Variants in MYO3A observed in about 807,000 individuals in gnomAD.
MYO3A encodes myosin IIIA, also known as myosin-IIIa.
In MYO3A, 180 loss-of-function variants were observed where a neutral mutation model predicts 192.7. The ratio of observed to expected loss-of-function variants is 0.93; its 90% confidence interval spans 0.83 to 1.06. The LOEUF is 1.06. Among genes scored for constraint, MYO3A ranks in the 50% least tolerant of loss-of-function variants. The pLI is 0.00. For synonymous variants in MYO3A, 628 were observed against 645.3 expected (o/e 0.97, Z 0.41); for missense variants, 1,896 against 1,905.0 (o/e 1.00, Z 0.09).
intron 10 of MYO3A, 62 bp from the exon 11 acceptor site, chr10:26,066,912 TA>T: frequency 1.7e-6 from 2 of 1,154,096 alleles, no homozygotes. Context: ...CATATGTATC[TA>T]AAACTTTTTT....
In MYO3A at chr10:26,070,172, C is replaced by G; in HGVS notation, c.1232C>G (p.Ala411Gly). Reference sequence around the variant, plus strand: ...AGTCCTCCTCACATTTTTGCAATGGCTGACTTAGGATATCAATCTATGATA... The same window carrying G: ...AGTCCTCCTCACATTTTTGCAATGGGTGACTTAGGATATCAATCTATGATA... ...TASPPHIFAM[A>G]DLGYQSMITY... is the part of the protein sequence containing the mutation. Residue 411 changes from alanine to glycine, a missense_variant, in exon 13 of 35, where the codon GCT becomes GGT. Ala to Gly is a moderately conservative substitution (Grantham distance 60, BLOSUM62 0). Transcript: ENST00000642920. 1.2e-6 allele frequency: 2 copies of G among 1,612,370 alleles called. No homozygotes were observed. Among genetic ancestry groups the G allele is most frequent in the East Asian group, 2.2e-5 (1 of 44,776 alleles).
chr10:26,035,995 G>A (rs111814801), intron 10 of MYO3A, among the ~76,000 whole-genome samples: 24,476 of 151,734 alleles, frequency 0.16, 2,282 homozygotes, highest in Non-Finnish European at 0.21. Context: ...GTGCAGTGGC[G>A]CCATCTTGGC....
intron 17 of MYO3A, among the ~76,000 whole-genome samples, chr10:26,116,904 A>G (rs571393091): frequency 9.2e-5 from 14 of 152,330 alleles, no homozygotes; most frequent in Admixed American, 7.2e-4. Context: ...CTGTGAGGGC[A>G]GAGTTGTTAC....
At position 26,174,560 on chromosome 10, in the gene MYO3A, A is replaced by G. The variant is rs1842221150; in HGVS notation, c.4293+3A>G. The G allele has an allele frequency of 1.2e-6, 2 of 1,609,964 alleles. No homozygotes were observed. Among genetic ancestry groups the G allele is most frequent in the Non-Finnish European group, 1.7e-6 (2 of 1,176,902 alleles). On this transcript the variant is annotated splice_donor_region_variant and intron_variant, in intron 30 of 34. Coordinates refer to ENST00000642920, the MANE Select transcript of MYO3A (RefSeq NM_017433.5). The stretch of plus-strand genomic sequence containing the variant: ...GTTTGGCAATTTTTTCAAAACAGGT[A>G]TGTGAATAAATAAATTTATTTACTA...
At chr10:26,114,967 T>C (rs915277968) in intron 17 of MYO3A, among the ~76,000 whole-genome samples, 2 of 152,048 alleles carry the variant, frequency 1.3e-5, no homozygotes, top group African/African-American at 4.8e-5. Flanking sequence ...AACTGAGACA[T>C]GAAATTAACA....
intron 2 of MYO3A, among the ~76,000 whole-genome samples, chr10:25,945,766 T>TA (rs1836794796): frequency 6.6e-6 from 1 of 152,156 alleles, no homozygotes; most frequent in Non-Finnish European, 1.5e-5. Flanking sequence ...GAGAAGAACT[T>TA]ACCATTATCA....
At chr10:26,189,213 C>T (rs1843006874) in intron 31 of MYO3A, among the ~76,000 whole-genome samples, 1 of 152,160 alleles carries the variant, frequency 6.6e-6, no homozygotes, top group Admixed American at 6.5e-5. Flanking sequence ...TCTTAATCTG[C>T]TCTTTTAAGG....
chr10:26,155,739 C>G (rs889466198), intron 25 of MYO3A, among the ~76,000 whole-genome samples: 1 of 152,184 alleles, frequency 6.6e-6, no homozygotes, highest in Admixed American at 6.5e-5. Context: ...TAATACCTGA[C>G]GTTTGTTGCT....
chr10:26,041,074 T>G (rs1369506318), intron 10 of MYO3A, among the ~76,000 whole-genome samples: 1 of 152,130 alleles, frequency 6.6e-6, no homozygotes, highest in African/African-American at 2.4e-5. Context: ...GGTGCTCCAG[T>G]GTCAGGTGCA....
chr10:26,081,133 T>TCCCC (rs60099269), intron 14 of MYO3A, among the ~76,000 whole-genome samples: 10 of 84,966 alleles, frequency 1.2e-4, no homozygotes, highest in South Asian at 1.1e-3. Flanking sequence ...TATATGCCCT[T>TCCCC]CCCCCCCCCC....
chr10:26,102,715 A>G (rs1837541133), intron 17 of MYO3A, among the ~76,000 whole-genome samples: 2 of 152,172 alleles, frequency 1.3e-5, no homozygotes, highest in Admixed American at 1.3e-4. Flanking sequence ...GCAGAACCGC[A>G]AATATTGCAG....
At chr10:26,061,228 C>T (rs1018494488) in intron 10 of MYO3A, among the ~76,000 whole-genome samples, 4 of 152,094 alleles carry the variant, frequency 2.6e-5, no homozygotes, top group East Asian at 1.9e-4. Flanking sequence ...CACGCCCGGC[C>T]GACACCTTGT....
chr10:25,992,148 A>G (rs1419382558), intron 4 of MYO3A, among the ~76,000 whole-genome samples: 2 of 152,072 alleles, frequency 1.3e-5, no homozygotes, highest in South Asian at 2.1e-4. Context: ...ACCCATGAGC[A>G]TGGAATGGTC....
At chr10:26,137,652 A>G (rs1839927673) in intron 20 of MYO3A, among the ~76,000 whole-genome samples, 1 of 152,242 alleles carries the variant, frequency 6.6e-6, no homozygotes, top group Non-Finnish European at 1.5e-5. Context: ...TTCTTCTTGC[A>G]GAGAGCCTAT....
At chr10:26,094,420 CTTTTTTT>C (rs965507109) in intron 15 of MYO3A, among the ~76,000 whole-genome samples, 4 of 101,322 alleles carry the variant, frequency 3.9e-5, no homozygotes, top group South Asian at 3.4e-4. Context: ...TGAATAATTT[CTTTTTTT>C]TTTTTTTTTT....
chr10:26,205,998 T>C (rs1843917042), intron 34 of MYO3A, among the ~76,000 whole-genome samples: 2 of 152,074 alleles, frequency 1.3e-5, no homozygotes, highest in African/African-American at 4.8e-5. Flanking sequence ...CATCCATTGA[T>C]GGACTCTTAA....
intron 17 of MYO3A, among the ~76,000 whole-genome samples, chr10:26,107,405 C>T (rs978640463): frequency 2.0e-5 from 3 of 148,754 alleles, no homozygotes; most frequent in South Asian, 2.1e-4. Flanking sequence ...CACTTGAACC[C>T]GGGAAGCAGA....
intron 10 of MYO3A, among the ~76,000 whole-genome samples, chr10:26,036,430 T>G (rs1489402372): frequency 6.6e-6 from 1 of 152,176 alleles, no homozygotes; most frequent in African/African-American, 2.4e-5. Context: ...GAGTCTCTCA[T>G]GCCTATGACG....
chr10:26,136,758 C>T (rs1055436170), intron 20 of MYO3A, among the ~76,000 whole-genome samples: 6 of 152,300 alleles, frequency 3.9e-5, no homozygotes, highest in Non-Finnish European at 5.9e-5. Flanking sequence ...CAGCTCACAC[C>T]TGTAATGCCA....
Sources: gnomAD v4.1 joint callset for allele counts (sites outside exome capture counted in the v4.1 genomes callset) on GRCh38, gnomAD v4.1.1 for gene constraint, MANE v1.5 for transcripts, NCBI Gene and HGNC (gene_info 2026-07-23, HGNC 2026-07-21) for gene names.